NTRK2: variants seen among roughly 807,000 people sequenced by gnomAD.
NTRK2 encodes BDNF/NT-3 growth factors receptor.
A neutral mutation model predicts 94.5 loss-of-function variants in NTRK2; 13 were observed. The ratio of observed to expected loss-of-function variants is 0.14; its 90% confidence interval spans 0.09 to 0.22. The LOEUF (loss-of-function observed/expected upper bound fraction) is 0.22, where lower values mean the gene tolerates loss of function less well. Among genes scored for constraint, NTRK2 ranks in the 10% least tolerant of loss-of-function variants. NTRK2 has a pLI of 1.00. For missense variants in NTRK2, 639 were observed against 1,071.2 expected (o/e 0.60, Z 5.63); for synonymous variants, 372 against 407.4 (o/e 0.91, Z 1.05).
At chr9:84,811,631 C>G (rs1588764622) in intron 12 of NTRK2, 8 of 1,065,342 alleles carry the variant, frequency 7.5e-6, no homozygotes, top group East Asian at 5.0e-5. Context: ...GATAGTCCCC[C>G]CTACAACATA....
intron 12 of NTRK2, among the ~76,000 whole-genome samples, chr9:84,794,043 A>C (rs527686058): frequency 2.0e-5 from 3 of 152,210 alleles, no homozygotes; most frequent in African/African-American, 4.8e-5. Context: ...TACAAGCTCA[A>C]GCTGCCTTTG....
At chr9:85,019,629 C>T (rs1359192522) in intron 17 of NTRK2, among the ~76,000 whole-genome samples, 1 of 152,114 alleles carries the variant, frequency 6.6e-6, no homozygotes, top group Admixed American at 6.5e-5. Flanking sequence ...GCTTAGAATC[C>T]AAAGACCTGA....
At chr9:84,710,466 G>A (rs187608337) in intron 5 of NTRK2, among the ~76,000 whole-genome samples, 171 bp from the exon 6 acceptor site, 3 of 152,176 alleles carry the variant, frequency 2.0e-5, no homozygotes, top group African/African-American at 7.2e-5. Flanking sequence ...GAGATGCTCC[G>A]TAAGTATCAG....
At position 84,948,683 on chromosome 9, in the gene NTRK2, G is replaced by T. The variant is rs200064369; in HGVS notation, c.1937+49G>T. ...CTCCAGGAGGGAGCAGGCCTTCAGGGTTCAGGAGTGGAGGGTTCATGGGAG... is the reference window on the plus strand; with the variant it reads ...CTCCAGGAGGGAGCAGGCCTTCAGGTTTCAGGAGTGGAGGGTTCATGGGAG... On this transcript the variant is annotated intron_variant, in intron 16 of 18. Coordinates refer to ENST00000277120, the MANE Select transcript of NTRK2 (RefSeq NM_006180.6). 1.9e-3 allele frequency: 2,938 copies of T among 1,579,208 alleles called. 3 individuals are homozygous for T. The highest frequency in any genetic ancestry group is 2.3e-3 in the Non-Finnish European group (2,621 of 1,149,592).
intron 14 of NTRK2, 127 bp from the exon 15 acceptor site, chr9:84,934,035 C>T (rs371423471): frequency 2.7e-5 from 27 of 997,072 alleles, no homozygotes; most frequent in South Asian, 1.4e-4. Context: ...CCAGCTTCTT[C>T]GGTTCACTGT....
intron 17 of NTRK2, among the ~76,000 whole-genome samples, chr9:85,003,991 G>GGAAA (rs1311588239): frequency 0.014 from 717 of 51,980 alleles, 28 homozygotes; most frequent in African/African-American, 0.06. Flanking sequence ...GAAAGAAGAA[G>GGAAA]GAAAGAAAGA....
intron 17 of NTRK2, among the ~76,000 whole-genome samples, chr9:85,008,091 C>T (rs766375456): frequency 1.3e-5 from 2 of 151,980 alleles, no homozygotes; most frequent in Admixed American, 6.6e-5. Context: ...TCCATGTGAT[C>T]CTCTGGACAC....
intron 4 of NTRK2, among the ~76,000 whole-genome samples, chr9:84,704,823 C>T (rs939774928): frequency 6.6e-6 from 1 of 152,090 alleles, no homozygotes; most frequent in African/African-American, 2.4e-5. Context: ...TCTTAATCAC[C>T]AAAATCTGAA....
At chr9:84,907,251 T>C (rs2132452384) in intron 14 of NTRK2, among the ~76,000 whole-genome samples, 1 of 152,304 alleles carries the variant, frequency 6.6e-6, no homozygotes, top group Non-Finnish European at 1.5e-5. Flanking sequence ...TCATGATATA[T>C]GAAAGGCAAA....
chr9:84,970,270 G>A (rs138794876), intron 17 of NTRK2, among the ~76,000 whole-genome samples: 5 of 151,972 alleles, frequency 3.3e-5, no homozygotes, highest in Admixed American at 6.5e-5. Context: ...GGTGGTGGGC[G>A]CCTGTAATCC....
chr9:84,907,283 G>A (rs752250216), intron 14 of NTRK2, among the ~76,000 whole-genome samples: 3 of 152,186 alleles, frequency 2.0e-5, no homozygotes, highest in Non-Finnish European at 4.4e-5. Flanking sequence ...AATCCAGTAA[G>A]AGAGTCTTCA....
intron 12 of NTRK2, among the ~76,000 whole-genome samples, chr9:84,788,839 A>G (rs571921471): frequency 9.9e-4 from 150 of 152,210 alleles, no homozygotes; most frequent in African/African-American, 3.5e-3. Flanking sequence ...CTCCCAGACC[A>G]GGTGGCTACC....
intron 17 of NTRK2, among the ~76,000 whole-genome samples, chr9:85,010,986 CT>C (rs1298229794): frequency 2.0e-5 from 3 of 152,140 alleles, no homozygotes; most frequent in African/African-American, 7.2e-5. Context: ...CATTCTGCCC[CT>C]GTATACACCT....
At chr9:84,677,020 C>A (rs115413421) in intron 2 of NTRK2, among the ~76,000 whole-genome samples, 262 of 152,096 alleles carry the variant, frequency 1.7e-3, no homozygotes, top group African/African-American at 5.9e-3. Context: ...GCAATTCATA[C>A]ACAAAAAATT....
intron 12 of NTRK2, among the ~76,000 whole-genome samples, chr9:84,860,291 G>T (rs1208488735): frequency 1.3e-5 from 2 of 152,198 alleles, no homozygotes; most frequent in Non-Finnish European, 2.9e-5. Flanking sequence ...GAAGGAAGCA[G>T]ACATTTCACT....
chr9:84,796,125 G>T (rs1478941462), intron 12 of NTRK2, among the ~76,000 whole-genome samples: 3 of 152,056 alleles, frequency 2.0e-5, no homozygotes, highest in African/African-American at 7.2e-5. Context: ...AAACAGATAG[G>T]TTTTTTTCGC....
intron 6 of NTRK2, among the ~76,000 whole-genome samples, chr9:84,713,394 GA>G (rs2061529641): frequency 6.6e-6 from 1 of 152,084 alleles, no homozygotes; most frequent in African/African-American, 2.4e-5. Context: ...CAATAAGGCA[GA>G]AAAAATATTT....
rs774495568 is a variant in NTRK2 at position 84,867,444 on chromosome 9, G to T, written c.1633+13G>T. On this transcript the variant is annotated intron_variant, in intron 14 of 18. Transcript: ENST00000277120. Reference sequence around the variant, plus strand: ...AAGCCAGACACATGTAAGTACAGCTGTTTGTACTTATTGTCCCATTTGCTG... The same window carrying T: ...AAGCCAGACACATGTAAGTACAGCTTTTTGTACTTATTGTCCCATTTGCTG... 6.2e-7 allele frequency: 1 copy of T among 1,603,162 alleles called. No homozygotes were observed.
chr9:84,676,184 A>C (rs1485615923), intron 2 of NTRK2, among the ~76,000 whole-genome samples: 1 of 152,190 alleles, frequency 6.6e-6, no homozygotes, highest in Non-Finnish European at 1.5e-5. Context: ...AGCTTGTCAC[A>C]TGTAAACTGA....
Sources: allele counts gnomAD v4.1 joint callset (sites outside exome capture counted in the v4.1 genomes callset), GRCh38; gene constraint gnomAD v4.1.1; transcripts MANE v1.5; gene names NCBI Gene and HGNC (gene_info 2026-07-23, HGNC 2026-07-21).